Variants in THSD4 observed in about 807,000 individuals in gnomAD.
THSD4 encodes the protein thrombospondin type-1 domain-containing protein 4.
Under a neutral mutation model 119.0 loss-of-function variants are expected in THSD4, and 69 were observed. That is an observed-to-expected ratio of 0.58 (90% CI 0.48 to 0.71). THSD4 has a LOEUF of 0.71. THSD4 is among the 30% of genes least tolerant of loss of function. The probability of loss-of-function intolerance (pLI) is 0.00; values close to 1 mark genes in which losing one functional copy is unlikely to be tolerated. For missense variants in THSD4, 1,393 were observed against 1,391.1 expected, an observed-to-expected ratio of 1.00 and a Z score of -0.02; for synonymous variants, 524 against 540.4, an observed-to-expected ratio of 0.97 and a Z score of 0.42.
intron 3 of THSD4, among the ~76,000 whole-genome samples, chr15:71,196,612 T>G (rs1361580882): frequency 6.6e-6 from 1 of 151,864 alleles, no homozygotes; most frequent in Non-Finnish European, 1.5e-5. Flanking sequence ...TGCTCTTGAG[T>G]GGGTCAGATG....
chr15:71,594,288 A>C (rs1256265623), intron 7 of THSD4, among the ~76,000 whole-genome samples: 1 of 151,296 alleles, frequency 6.6e-6, no homozygotes, highest in Non-Finnish European at 1.5e-5. Flanking sequence ...AGTTCACTGC[A>C]ACCTCCAACT....
chr15:71,469,798 G>A (rs2047548377), intron 7 of THSD4, among the ~76,000 whole-genome samples: 1 of 152,142 alleles, frequency 6.6e-6, no homozygotes, highest in African/African-American at 2.4e-5. Context: ...CTGACATATA[G>A]CAGGCCTTCT....
At chr15:71,427,655 T>C (rs2046890661) in intron 7 of THSD4, among the ~76,000 whole-genome samples, 1 of 149,660 alleles carries the variant, frequency 6.7e-6, no homozygotes, top group Non-Finnish European at 1.5e-5. Context: ...ATTTTGTGCT[T>C]GCACCCTGCT....
chr15:71,123,406 G>A (rs1421709442), intron 1 of THSD4, among the ~76,000 whole-genome samples: 1 of 152,152 alleles, frequency 6.6e-6, no homozygotes, highest in African/African-American at 2.4e-5. Context: ...GTATGAAATG[G>A]GCTAACAATC....
intron 6 of THSD4, among the ~76,000 whole-genome samples, chr15:71,276,124 T>C (rs1265168247): frequency 1.3e-5 from 2 of 152,190 alleles, no homozygotes; most frequent in Non-Finnish European, 2.9e-5. Context: ...AAAAATCACT[T>C]GTGTAGCTGT....
intron 7 of THSD4, among the ~76,000 whole-genome samples, chr15:71,495,017 T>G (rs2047989350): frequency 6.6e-6 from 1 of 152,174 alleles, no homozygotes; most frequent in Non-Finnish European, 1.5e-5. Context: ...ACAGCTGACC[T>G]GGCTCAGGCC....
chr15:71,330,755 A>G (rs1363847651), intron 6 of THSD4, among the ~76,000 whole-genome samples: 2 of 152,170 alleles, frequency 1.3e-5, no homozygotes, highest in African/African-American at 4.8e-5. Flanking sequence ...ATACTGTCAT[A>G]TAAACCCACT....
intron 7 of THSD4, among the ~76,000 whole-genome samples, chr15:71,478,433 A>T (rs73441551): frequency 6.6e-6 from 1 of 152,240 alleles, no homozygotes; most frequent in East Asian, 1.9e-4. Context: ...AAACACATGC[A>T]TACAGTATCT....
intron 7 of THSD4, among the ~76,000 whole-genome samples, chr15:71,629,786 G>T (rs28491654): frequency 0.1 from 15,527 of 152,134 alleles, 1,039 homozygotes; most frequent in East Asian, 0.28. Context: ...CATCCTATAT[G>T]TAGCTGATAG....
chr15:71,388,655 T>C (rs1198762939), intron 6 of THSD4, among the ~76,000 whole-genome samples: 2 of 125,866 alleles, frequency 1.6e-5, no homozygotes, highest in Non-Finnish European at 3.5e-5. Flanking sequence ...ATTTGATTCT[T>C]TGGAGAGAGT....
At chr15:71,324,085 G>A (rs2045309367) in intron 6 of THSD4, among the ~76,000 whole-genome samples, 1 of 151,950 alleles carries the variant, frequency 6.6e-6, no homozygotes, top group African/African-American at 2.4e-5. Flanking sequence ...GGAGCCTTTT[G>A]AATACCACCA....
intron 5 of THSD4, among the ~76,000 whole-genome samples, chr15:71,250,463 G>T (rs1386174484): frequency 6.6e-6 from 1 of 152,112 alleles, no homozygotes; most frequent in East Asian, 1.9e-4. Flanking sequence ...TCAGCCTACA[G>T]GCATGCACTA....
chr15:71,658,812 A>C (rs763491663), intron 7 of THSD4, among the ~76,000 whole-genome samples: 9 of 152,204 alleles, frequency 5.9e-5, no homozygotes, highest in Non-Finnish European at 8.8e-5. Context: ...ACTGTCAGAG[A>C]TAATGTTTTA....
intron 6 of THSD4, among the ~76,000 whole-genome samples, chr15:71,280,136 G>T (rs1221851631): frequency 1.3e-5 from 2 of 152,330 alleles, no homozygotes; most frequent in African/African-American, 4.8e-5. Context: ...GGTGTTCCAG[G>T]CAGAGGGAAC....
chr15:71,723,752 G>T (rs187125860), intron 8 of THSD4, among the ~76,000 whole-genome samples: 1 of 152,246 alleles, frequency 6.6e-6, no homozygotes, highest in Admixed American at 6.5e-5. Context: ...GGAGAAGACT[G>T]CCCTGGAGAA....
chr15:71,303,830 G>C (rs1256518173), intron 6 of THSD4, among the ~76,000 whole-genome samples: 1 of 152,108 alleles, frequency 6.6e-6, no homozygotes, highest in African/African-American at 2.4e-5. Flanking sequence ...CTTTAACACT[G>C]GCTGGCCCTT....
At chr15:71,172,677 CTATACATA>C (rs2043382881) in intron 3 of THSD4, among the ~76,000 whole-genome samples, 2 of 22,150 alleles carry the variant, frequency 9.0e-5, no homozygotes, top group African/African-American at 2.4e-4. Context: ...GAAAATAGAC[CTATACATA>C]TATATATATA....
chr15:71,532,521 TGGCCA>T, intron 7 of THSD4, among the ~76,000 whole-genome samples: 1 of 151,928 alleles, frequency 6.6e-6, no homozygotes, highest in South Asian at 2.1e-4. Context: ...TTCACCATGT[TGGCCA>T]GGATGGTCTC....
intron 7 of THSD4, among the ~76,000 whole-genome samples, chr15:71,641,377 GTCT>G (rs1041427011): frequency 2.0e-5 from 3 of 151,638 alleles, no homozygotes; most frequent in African/African-American, 7.3e-5. Flanking sequence ...AGCAATGCCT[GTCT>G]TCTTTTCTTC....
Sources: gnomAD v4.1 joint callset for allele counts (sites outside exome capture counted in the v4.1 genomes callset) on GRCh38, gnomAD v4.1.1 for gene constraint, MANE v1.5 for transcripts, NCBI Gene and HGNC (gene_info 2026-07-23, HGNC 2026-07-21) for gene names.